Variants in VPS13A observed in about 807,000 individuals in gnomAD.
VPS13A encodes vacuolar protein sorting 13 homolog A, also known as intermembrane lipid transfer protein VPS13A.
VPS13A carries 264 observed loss-of-function variants against 390.9 expected under a neutral mutation model. The ratio of observed to expected loss-of-function variants is 0.68; its 90% CI spans 0.61 to 0.75. The LOEUF (loss-of-function observed/expected upper bound fraction) is 0.75. Ranked by LOEUF, VPS13A falls within the 30% of genes least tolerant of loss-of-function variation. The pLI is 0.00. For missense variants in VPS13A, 3,409 were observed against 3,733.9 expected, an observed-to-expected ratio of 0.91 and a Z score of 2.27; for synonymous variants, 1,231 against 1,227.1, an observed-to-expected ratio of 1.00 and a Z score of -0.07.
intron 16 of VPS13A, 141 bp downstream of exon 16, chr9:77,227,626 C>T (rs962297280): frequency 1.3e-4 from 86 of 640,182 alleles, no homozygotes; most frequent in Admixed American, 1.3e-4. Context: ...AAGCAATCCT[C>T]CCACCTCAGC....
rs1161248540 is a variant in VPS13A, at chr9:77,417,989, T to C, written c.*1983T>C. The C allele has an allele frequency of 1.3e-5, 2 of 152,192 alleles. No homozygotes were observed. The highest frequency in any genetic ancestry group is 4.8e-5 in the African/African-American group (2 of 41,446). 9.4% of individuals were successfully genotyped at this position (152,192 alleles called of 1,614,324 possible). A position where few individuals can be genotyped will look rare whatever the true frequency, so the allele number is the denominator to read the frequency against. ...CCACAGTTTTAAGAGCTACATCATATCATTTGTTGTTTTAGAAGATTGTCT... is the reference window on the plus strand; with the variant it reads ...CCACAGTTTTAAGAGCTACATCATACCATTTGTTGTTTTAGAAGATTGTCT... On this transcript the variant is annotated 3_prime_UTR_variant, in exon 72 of 72. Transcript: ENST00000360280.
intron 17 of VPS13A, among the ~76,000 whole-genome samples, chr9:77,234,085 G>T (rs969735586): frequency 2.0e-5 from 3 of 152,086 alleles, no homozygotes; most frequent in African/African-American, 7.2e-5. Context: ...GTTTATAATT[G>T]TTGTATCTTT....
rs749434580 is a variant in VPS13A, at chr9:77,227,485, A to G, written c.1452A>G (p.Thr484=). Residue 484 remains threonine, a splice_region_variant and synonymous_variant, in exon 16 of 72, where the codon ACA becomes ACG. Coordinates refer to ENST00000360280, the MANE Select transcript of VPS13A (RefSeq NM_033305.3). Reference sequence around the variant, plus strand: ...CAGTTGATCCAACTTTACTAAAAACAGTAAGATGTTTTCTTGCCTTATACC... The same window carrying G: ...CAGTTGATCCAACTTTACTAAAAACGGTAAGATGTTTTCTTGCCTTATACC... ...ETAVDPTLLK[T]FEALKFFVHL... is the part of the protein sequence containing the mutation. 6.9e-6 allele frequency: 11 copies of G among 1,604,768 alleles called. No individual in the cohort carries two copies. In the South Asian group the frequency reaches 1.2e-4, roughly 18 times the overall value.
At chr9:77,280,723 T>G (rs1169005223) in intron 27 of VPS13A, among the ~76,000 whole-genome samples, 1 of 152,194 alleles carries the variant, frequency 6.6e-6, no homozygotes, top group African/African-American at 2.4e-5. Context: ...TCTGCTGACT[T>G]CCGTGTTTCT....
intron 23 of VPS13A, among the ~76,000 whole-genome samples, chr9:77,261,396 T>C (rs1173450863): frequency 6.6e-6 from 1 of 151,986 alleles, no homozygotes; most frequent in Non-Finnish European, 1.5e-5. Context: ...CTTCTTTTGA[T>C]GGATATTCAC....
chr9:77,253,886 A>G (rs1394035390), intron 22 of VPS13A, among the ~76,000 whole-genome samples: 1 of 148,092 alleles, frequency 6.8e-6, no homozygotes, highest in Non-Finnish European at 1.5e-5. Context: ...TCTTTGATCC[A>G]TTGAGTTAAT....
intron 47 of VPS13A, 67 bp from the exon 48 acceptor site, chr9:77,339,448 TA>T (rs1467954553): frequency 1.2e-5 from 17 of 1,433,206 alleles, no homozygotes; most frequent in Non-Finnish European, 1.6e-5. Context: ...AATACATAAA[TA>T]GAATTTTGAG....
At chr9:77,179,328 A>G (rs185393930) in intron 1 of VPS13A, among the ~76,000 whole-genome samples, 52 of 152,312 alleles carry the variant, frequency 3.4e-4, no homozygotes, top group African/African-American at 1.1e-3. Flanking sequence ...TGGCACATAA[A>G]AGGTTCATCA....
rs922448695 is a variant in VPS13A at position 77,379,965 on chromosome 9, A to G, written c.9078-2011A>G. On this transcript the variant is annotated intron_variant, in intron 67 of 71. Coordinates refer to ENST00000360280, the MANE Select transcript of VPS13A (RefSeq NM_033305.3). ...TAGGTTGCTGAAATCTTCAACTATT[A>G]TGGTGGTATTGCCTTTTTGTCTTTT... Among the ~76,000 whole-genome samples the G allele has an allele frequency of 3.9e-5, 6 of 151,982 alleles. 1 individual carries two copies. Among genetic ancestry groups the G allele is most frequent in the Admixed American group, 2.6e-4 (4 of 15,256 alleles).
intron 41 of VPS13A, 64 bp downstream of exon 41, chr9:77,318,655 G>A: frequency 1.6e-6 from 2 of 1,283,056 alleles, no homozygotes; most frequent in African/African-American, 1.5e-5. Context: ...GACAGATAAT[G>A]ATACATATGG....
intron 52 of VPS13A, 108 bp from the exon 53 acceptor site, chr9:77,351,209 A>G: frequency 7.0e-7 from 1 of 1,435,600 alleles, no homozygotes; most frequent in Non-Finnish European, 9.7e-7. Flanking sequence ...AATCAGAACG[A>G]TCACAGATCT....
chr9:77,396,750 T>G (rs188284745), intron 68 of VPS13A, among the ~76,000 whole-genome samples: 1 of 152,322 alleles, frequency 6.6e-6, no homozygotes, highest in Admixed American at 6.5e-5. Context: ...TTTTGAACAG[T>G]TTGTCTATTT....
At position 77,205,405 on chromosome 9, in the gene VPS13A, T is replaced by G. The variant is rs749642803; in HGVS notation, c.280T>G (p.Ser94Ala). 7.4e-7 allele frequency: 1 copy of G among 1,353,430 alleles called. No individual in the cohort carries two copies. The highest frequency in any genetic ancestry group is 2.0e-5 in the South Asian group (1 of 49,276). 83.8% of individuals were successfully genotyped at this position (1,353,430 alleles called of 1,614,324 possible). Residue 94 changes from serine to alanine, a missense_variant, in exon 4 of 72, where the codon TCT becomes GCT. Physicochemically the swap from Ser to Ala is moderately conservative, Grantham distance 99 (BLOSUM62 1). This residue lies in a region of VPS13A where 2,717 missense variants were observed against 2,917.4 expected (regional missense o/e 0.93). Coordinates refer to ENST00000360280, the MANE Select transcript of VPS13A (RefSeq NM_033305.3). Reference sequence around the variant, plus strand: ...AATTTATTTACTTATAGTGCCTTCTTCTAGTAAGTTAAATTTAAAAAAATT... The same window carrying G: ...AATTTATTTACTTATAGTGCCTTCTGCTAGTAAGTTAAATTTAAAAAAATT... ...EEIYLLIVPS[S>A]RIKYDPLKEE...
In VPS13A at chr9:77,293,472, A is replaced by T. The variant is rs759079377; in HGVS notation, c.3471A>T (p.Glu1157Asp). 1 of 1,597,404 alleles carries T rather than the reference A, an allele frequency of 6.3e-7. No individual in the cohort carries two copies. The highest frequency in any genetic ancestry group is 2.3e-5 in the East Asian group (1 of 44,368). ...TTAATTTAATAGTTGGTTGCATTGA[A>T]GTAGTTTTTGTCACGAAATTTCTAT... ...IQVNLIVGCI[E>D]VVFVTKFLYS... Residue 1157 changes from glutamate (E) to aspartate (D), a missense_variant, in exon 32 of 72, where the codon GAA becomes GAT. By Grantham distance (45) the Glu-to-Asp change is conservative. Around this residue, in one of 5 missense-constraint regions of VPS13A, gnomAD observed 2,717 missense variants for 2,917.4 expected, o/e 0.93. Coordinates refer to ENST00000360280, the MANE Select transcript of VPS13A (RefSeq NM_033305.3).
chr9:77,389,308 CTTT>C (rs57239835), intron 68 of VPS13A, among the ~76,000 whole-genome samples: 17 of 137,680 alleles, frequency 1.2e-4, no homozygotes, highest in Non-Finnish European at 1.4e-4. Flanking sequence ...AAGCAGAACT[CTTT>C]TTTTTTTTTT....
chr9:77,360,765 C>G (rs566140950), intron 59 of VPS13A, 124 bp downstream of exon 59: 1 of 745,034 alleles, frequency 1.3e-6, no homozygotes, highest in Non-Finnish European at 2.2e-6. Flanking sequence ...TTTTATTACT[C>G]TCTTGTGGTA....
At chr9:77,359,885 T>G in intron 58 of VPS13A, among the ~76,000 whole-genome samples, 1 of 152,110 alleles carries the variant, frequency 6.6e-6, no homozygotes, top group African/African-American at 2.4e-5. Flanking sequence ...TTTCTGGATT[T>G]TGGATATTTT....
At chr9:77,201,291 G>A in intron 2 of VPS13A, 74 bp from the exon 3 acceptor site, 2 of 1,020,108 alleles carry the variant, frequency 2.0e-6, no homozygotes, top group East Asian at 2.4e-5. Context: ...ATTTTTGGAA[G>A]TAAAGAGTAT....
intron 70 of VPS13A, among the ~76,000 whole-genome samples, chr9:77,407,231 A>G (rs550414287): frequency 1.1e-3 from 162 of 152,348 alleles, no homozygotes; most frequent in Middle Eastern, 0.01. Context: ...AAACAGTGGC[A>G]CTACTCCCCA....
Sources: gnomAD v4.1 joint callset for allele counts (sites outside exome capture counted in the v4.1 genomes callset) on GRCh38, gnomAD v4.1.1 for gene constraint, gnomAD v4.1.1 regional missense constraint, MANE v1.5 for transcripts, NCBI Gene and HGNC (gene_info 2026-07-23, HGNC 2026-07-21) for gene names.